The following SYT1 variants were observed in gnomAD, a reference collection of about 807,000 sequenced individuals.
SYT1 encodes the protein synaptotagmin-1.
A neutral mutation model predicts 44.8 loss-of-function variants in SYT1; 8 were observed. The observed-to-expected ratio is 0.18, with a 90% CI of 0.10 to 0.32. SYT1 has a LOEUF of 0.32. Among genes scored for constraint, SYT1 ranks in the 10% least tolerant of loss-of-function variants. The pLI is 1.00. For missense variants in SYT1, 286 were observed against 509.3 expected (o/e 0.56, Z 4.22); for synonymous variants, 154 against 188.8 (o/e 0.82, Z 1.51).
intron 3 of SYT1, among the ~76,000 whole-genome samples, chr12:79,108,138 C>T (rs1339238225): frequency 6.6e-6 from 1 of 151,062 alleles, no homozygotes; most frequent in African/African-American, 2.4e-5. Context: ...AAGATATGCA[C>T]CAAGCTGATA....
chr12:79,075,986 CA>C (rs1177442346), intron 3 of SYT1, among the ~76,000 whole-genome samples: 1 of 151,944 alleles, frequency 6.6e-6, no homozygotes, highest in Non-Finnish European at 1.5e-5. Context: ...AAGTCATTAA[CA>C]AGAGAAAAGC....
In SYT1 at chr12:79,357,064, A is replaced by C. The variant is rs78910342; in HGVS notation, c.928+3445A>C. Among the ~76,000 whole-genome samples, 201 of 152,354 alleles carry C rather than the reference A, an allele frequency of 1.3e-3. 4 individuals are homozygous for C. The East Asian group carries it at 0.027, about 20-fold the overall frequency. ...CTATAGTGAATTAAGATAATTAACA[A>C]AACATTTGAGAAAATAAAACATGAA... On this transcript the variant is annotated intron_variant, in intron 9 of 10. Transcript: ENST00000261205.
chr12:79,440,083 G>A (rs1004186422), intron 9 of SYT1, among the ~76,000 whole-genome samples: 1 of 152,014 alleles, frequency 6.6e-6, no homozygotes, highest in Admixed American at 6.6e-5. Flanking sequence ...AAAATTAGCT[G>A]GGCATGTGCC....
chr12:79,185,234 C>T (rs925686882), intron 3 of SYT1, among the ~76,000 whole-genome samples: 1 of 152,088 alleles, frequency 6.6e-6, no homozygotes, highest in Non-Finnish European at 1.5e-5. Context: ...TGACAAATAA[C>T]TAAGTGCTGG....
At chr12:78,995,419 A>C (rs1403979450) in intron 2 of SYT1, among the ~76,000 whole-genome samples, 3 of 152,178 alleles carry the variant, frequency 2.0e-5, no homozygotes, top group African/African-American at 4.8e-5. Flanking sequence ...AATGGTCTTG[A>C]AGTCACTTTT....
chr12:79,121,609 C>T (rs973147151), intron 3 of SYT1, among the ~76,000 whole-genome samples: 2 of 152,194 alleles, frequency 1.3e-5, no homozygotes, highest in Admixed American at 1.3e-4. Flanking sequence ...ATAACCTGCT[C>T]CCATGCCCAT....
At chr12:79,124,622 G>A (rs575928121) in intron 3 of SYT1, among the ~76,000 whole-genome samples, 48 of 151,306 alleles carry the variant, frequency 3.2e-4, no homozygotes, top group African/African-American at 7.8e-4. Flanking sequence ...CATCACCATC[G>A]CCATTATCAT....
At chr12:78,932,387 G>T (rs920469421) in intron 1 of SYT1, among the ~76,000 whole-genome samples, 1 of 151,990 alleles carries the variant, frequency 6.6e-6, no homozygotes, top group East Asian at 1.9e-4. Context: ...TCTTTTACTG[G>T]TTTCATAGGA....
At chr12:79,072,854 A>G (rs1488859501) in intron 3 of SYT1, among the ~76,000 whole-genome samples, 2 of 152,118 alleles carry the variant, frequency 1.3e-5, no homozygotes, top group African/African-American at 2.4e-5. Context: ...AATGAACACA[A>G]TGTTCCAAGT....
chr12:78,936,997 G>A (rs1342297760), intron 1 of SYT1, among the ~76,000 whole-genome samples: 2 of 151,966 alleles, frequency 1.3e-5, no homozygotes, highest in Non-Finnish European at 2.9e-5. Flanking sequence ...ATGGCTCCCA[G>A]GTCCTTGAGA....
Position 79,296,182 on chromosome 12 carries a change from A to G in SYT1, c.588A>G (p.Thr196=), listed in dbSNP as rs1181279633. 9 of 1,614,032 alleles carry G rather than the reference A, an allele frequency of 5.6e-6. No individual in the cohort carries two copies. The highest frequency in any genetic ancestry group is 1.7e-5 in the Admixed American group (1 of 59,998). The change falls in exon 7 of 11, where the codon ACA becomes ACG. Residue 196 remains threonine, a synonymous_variant. Transcript: ENST00000261205. ...CTGATAAGAAGAAGAAATTTGAGAC[A>G]AAAGTCCACCGAAAAACCCTTAATC... ...LLPDKKKKFE[T]KVHRKTLNPV...
At chr12:79,270,605 C>T (rs571668106) in intron 4 of SYT1, among the ~76,000 whole-genome samples, 1 of 152,204 alleles carries the variant, frequency 6.6e-6, no homozygotes, top group Admixed American at 6.5e-5. Context: ...ACTAATAATA[C>T]AAATCTGCCC....
At position 79,033,130 on chromosome 12, in the gene SYT1, A is replaced by T. The variant is rs936360900; in HGVS notation, c.-83-14167A>T. 1.6e-4 allele frequency among the ~76,000 whole-genome samples: 24 copies of T among 151,464 alleles called. No individual in the cohort carries two copies. The East Asian group carries it at 4.5e-3, about 28-fold the overall frequency. ...GCCATTCACATTAGACACCTAAAAG[A>T]TCAAAGATTGGAAGCTGAGAAAACA... On this transcript the variant is annotated intron_variant, in intron 2 of 10. Transcript: ENST00000261205.
intron 3 of SYT1, among the ~76,000 whole-genome samples, chr12:79,106,626 T>C (rs1399400188): frequency 1.3e-5 from 2 of 151,930 alleles, no homozygotes; most frequent in African/African-American, 2.4e-5. Flanking sequence ...GTTCCATTTT[T>C]AAAGCCTAGA....
At chr12:79,074,495 A>G (rs1324777210) in intron 3 of SYT1, among the ~76,000 whole-genome samples, 1 of 152,190 alleles carries the variant, frequency 6.6e-6, no homozygotes, top group Non-Finnish European at 1.5e-5. Context: ...TTATCCTCTC[A>G]TTAAGTCTTT....
rs558158220 is a variant in SYT1, at chr12:79,016,826, T to A, written c.-83-30471T>A. ...TTAATAAATAACTACCAACAAGGTA[T>A]AAATTTGGGAAAATTGTTATTTTTT... On this transcript the variant is annotated intron_variant, in intron 2 of 10. Transcript: ENST00000261205. 2.6e-5 allele frequency among the ~76,000 whole-genome samples: 4 copies of A among 152,264 alleles called. No individual in the cohort carries two copies. In the South Asian group the frequency reaches 8.3e-4, roughly 32 times the overall value.
chr12:79,313,271 T>TTTCTAA (rs200025165), intron 8 of SYT1, among the ~76,000 whole-genome samples: 1,610 of 152,342 alleles, frequency 0.011, 30 homozygotes, highest in African/African-American at 0.036. Flanking sequence ...GTTATTGAAC[T>TTTCTAA]TTCTAATTCT....
At chr12:79,045,016 C>G (rs1873906682) in intron 2 of SYT1, among the ~76,000 whole-genome samples, 1 of 152,150 alleles carries the variant, frequency 6.6e-6, no homozygotes, top group Non-Finnish European at 1.5e-5. Flanking sequence ...AACCACTGCT[C>G]TCTTCAAAGC....
At chr12:79,125,525 T>C (rs1460772740) in intron 3 of SYT1, among the ~76,000 whole-genome samples, 2 of 144,814 alleles carry the variant, frequency 1.4e-5, no homozygotes, top group Non-Finnish European at 3.0e-5. Flanking sequence ...GTGGCTGAGG[T>C]GGGAGGATTG....
Sources: allele counts gnomAD v4.1 joint callset (sites outside exome capture counted in the v4.1 genomes callset), GRCh38; gene constraint gnomAD v4.1.1; transcripts MANE v1.5; gene names NCBI Gene and HGNC (gene_info 2026-07-23, HGNC 2026-07-21).